The following PRKD1 variants were observed in gnomAD, a reference collection of about 807,000 sequenced individuals.
PRKD1 encodes the protein serine/threonine-protein kinase D1.
In PRKD1, 63 loss-of-function variants were observed where a neutral mutation model predicts 95.9. That is an observed-to-expected ratio of 0.66 (90% confidence interval 0.54 to 0.81). PRKD1 has a LOEUF of 0.81. Ranked by LOEUF, PRKD1 falls within the 30% of genes least tolerant of loss-of-function variation. The pLI is 0.00. For missense variants in PRKD1, 1,048 were observed against 1,165.3 expected, an observed-to-expected ratio of 0.90 and a Z score of 1.47; for synonymous variants, 425 against 423.1, an observed-to-expected ratio of 1.00 and a Z score of -0.05.
chr14:29,672,068 C>T (rs1429745225), intron 2 of PRKD1, among the ~76,000 whole-genome samples: 3 of 152,062 alleles, frequency 2.0e-5, no homozygotes, highest in African/African-American at 7.2e-5. Flanking sequence ...AATTGGCCGG[C>T]GTGGTGGCTC....
chr14:29,807,346 T>A (rs1381312689), intron 1 of PRKD1, among the ~76,000 whole-genome samples: 1 of 151,998 alleles, frequency 6.6e-6, no homozygotes, highest in Non-Finnish European at 1.5e-5. Flanking sequence ...TGTTGATTGA[T>A]CACAGTGGTG....
intron 1 of PRKD1, among the ~76,000 whole-genome samples, chr14:29,891,191 C>T (rs1223476640): frequency 6.6e-6 from 1 of 152,114 alleles, no homozygotes; most frequent in Non-Finnish European, 1.5e-5. Flanking sequence ...AAGAAAAACT[C>T]CTTTAAAGTA....
In PRKD1 at chr14:29,597,713, A is replaced by G; in HGVS notation, c.2212T>C (p.Ser738Pro). The G allele has an allele frequency of 6.2e-7, 1 of 1,613,656 alleles. No individual in the cohort carries two copies. Among genetic ancestry groups the G allele is most frequent in the Non-Finnish European group, 8.5e-7 (1 of 1,179,866 alleles). The change falls in exon 16 of 18, where the codon TCT (serine) becomes CCT (proline). Residue 738 changes from serine (S) to proline (P), a missense_variant. Ser to Pro is a moderately conservative substitution (Grantham distance 74). This residue lies in a region of PRKD1 where 739 missense variants were observed against 861.9 expected (regional missense o/e 0.86). Coordinates refer to ENST00000331968, the MANE Select transcript of PRKD1 (RefSeq NM_002742.3). The part of the protein sequence containing the change: ...FGFARIIGEK[S>P]FRRSVVGTPA... Reference sequence around the variant, plus strand: ...GTACCCACCACTGACCTCCGGAAAGACTTCTCTCCAATGATCCGGGCAAAA... The same window carrying G: ...GTACCCACCACTGACCTCCGGAAAGGCTTCTCTCCAATGATCCGGGCAAAA...
chr14:29,661,754 A>G (rs1019017915), intron 4 of PRKD1, among the ~76,000 whole-genome samples: 1 of 152,192 alleles, frequency 6.6e-6, no homozygotes, highest in Non-Finnish European at 1.5e-5. Context: ...ACCTGAAGGC[A>G]TTTTACACAA....
chr14:29,731,212 C>T (rs1886419040), intron 1 of PRKD1, among the ~76,000 whole-genome samples: 1 of 152,110 alleles, frequency 6.6e-6, no homozygotes, highest in Non-Finnish European at 1.5e-5. Context: ...ATGGGTTATT[C>T]AGAAGAGTGT....
intron 1 of PRKD1, among the ~76,000 whole-genome samples, chr14:29,835,284 C>G (rs1891569011): frequency 6.6e-6 from 1 of 152,172 alleles, no homozygotes; most frequent in South Asian, 2.1e-4. Context: ...ATTTGCATCT[C>G]ACATCTCTTT....
intron 1 of PRKD1, among the ~76,000 whole-genome samples, chr14:29,772,103 G>A (rs961135791): frequency 6.6e-6 from 1 of 152,194 alleles, no homozygotes; most frequent in Non-Finnish European, 1.5e-5. Context: ...TGACTTGTGA[G>A]TTAATGCTTA....
chr14:29,610,431 G>A (rs544095307), intron 13 of PRKD1, among the ~76,000 whole-genome samples: 7 of 152,220 alleles, frequency 4.6e-5, no homozygotes, highest in East Asian at 1.9e-4. Flanking sequence ...TCAATATCAG[G>A]TGTCATCAGG....
At chr14:29,656,420 T>C in intron 4 of PRKD1, 1 of 1,453,396 alleles carries the variant, frequency 6.9e-7, no homozygotes, top group Non-Finnish European at 9.3e-7. Flanking sequence ...CGTAATATGC[T>C]GGTTTGAAAA....
intron 1 of PRKD1, among the ~76,000 whole-genome samples, chr14:29,795,260 GTC>G (rs762086230): frequency 4.0e-4 from 61 of 151,802 alleles, no homozygotes; most frequent in Non-Finnish European, 7.2e-4. Context: ...CATTGCTTTT[GTC>G]TCTTTTTATA....
chr14:29,755,731 C>T (rs1315627082), intron 1 of PRKD1, among the ~76,000 whole-genome samples: 2 of 152,164 alleles, frequency 1.3e-5, no homozygotes, highest in African/African-American at 4.8e-5. Flanking sequence ...AAATTGTTAA[C>T]TTTGTAGCCT....
chr14:29,665,436 G>C (rs563455674), intron 3 of PRKD1, among the ~76,000 whole-genome samples: 110 of 152,204 alleles, frequency 7.2e-4, no homozygotes, highest in African/African-American at 2.6e-3. Flanking sequence ...GTGTGCCCCT[G>C]TGTACCCACA....
intron 1 of PRKD1, among the ~76,000 whole-genome samples, chr14:29,857,831 T>C: frequency 6.6e-6 from 1 of 152,146 alleles, no homozygotes; most frequent in East Asian, 1.9e-4. Flanking sequence ...AACTAGCTTA[T>C]TTAAAAATCT....
At chr14:29,640,677 G>C (rs1880699084) in intron 4 of PRKD1, among the ~76,000 whole-genome samples, 1 of 152,172 alleles carries the variant, frequency 6.6e-6, no homozygotes, top group Non-Finnish European at 1.5e-5. Flanking sequence ...GTGTCCTCTA[G>C]TAACTGTAGC....
chr14:29,709,552 T>C (rs948594900), intron 2 of PRKD1, among the ~76,000 whole-genome samples: 11 of 152,102 alleles, frequency 7.2e-5, no homozygotes, highest in Non-Finnish European at 1.5e-4. Flanking sequence ...TGCAGATACA[T>C]AAAAAGATTT....
At chr14:29,799,497 C>T (rs1307391832) in intron 1 of PRKD1, among the ~76,000 whole-genome samples, 1 of 152,202 alleles carries the variant, frequency 6.6e-6, no homozygotes, top group East Asian at 1.9e-4. Flanking sequence ...CACAGATTTT[C>T]TTCTAAAAGG....
chr14:29,910,267 T>G (rs1894659019), intron 1 of PRKD1, among the ~76,000 whole-genome samples: 1 of 151,938 alleles, frequency 6.6e-6, no homozygotes, highest in African/African-American at 2.4e-5. Flanking sequence ...CGCGCCGCCT[T>G]AAGAGCTGTG....
intron 2 of PRKD1, among the ~76,000 whole-genome samples, chr14:29,717,975 C>T (rs1158474769): frequency 2.0e-5 from 3 of 152,054 alleles, no homozygotes; most frequent in African/African-American, 7.2e-5. Flanking sequence ...AGATAAATAA[C>T]CAAGAAAACT....
At chr14:29,664,737 G>A (rs988520833) in intron 3 of PRKD1, among the ~76,000 whole-genome samples, 4 of 152,100 alleles carry the variant, frequency 2.6e-5, no homozygotes, top group African/African-American at 7.2e-5. Flanking sequence ...GTACAATTGC[G>A]CCAGTTTTAA....
Sources: allele counts gnomAD v4.1 joint callset (sites outside exome capture counted in the v4.1 genomes callset), GRCh38; gene constraint gnomAD v4.1.1; regional missense constraint gnomAD v4.1.1; transcripts MANE v1.5; gene names NCBI Gene and HGNC (gene_info 2026-07-23, HGNC 2026-07-21).